The following CDH23 variants were observed in gnomAD, a reference collection of about 807,000 sequenced individuals.
CDH23 encodes the protein cadherin related 23, also known as cadherin-23.
A neutral mutation model predicts 317.1 loss-of-function variants in CDH23; 189 were observed. That is an observed-to-expected ratio of 0.60 (90% CI 0.53 to 0.67). CDH23 has a LOEUF of 0.67. CDH23 is among the 30% of genes least tolerant of loss of function. The pLI, the probability that CDH23 is intolerant of heterozygous loss-of-function variation, is 0.00. For synonymous variants in CDH23, 1,839 were observed against 1,876.8 expected, an observed-to-expected ratio of 0.98 and a Z score of 0.52; for missense variants, 4,401 against 4,592.4, an observed-to-expected ratio of 0.96 and a Z score of 1.20.
intron 3 of CDH23, among the ~76,000 whole-genome samples, chr10:71,458,981 G>T (rs979066948): frequency 3.3e-5 from 5 of 151,542 alleles, no homozygotes; most frequent in African/African-American, 1.2e-4. Flanking sequence ...TAGAGGCGGG[G>T]TTTCACCGTG....
Position 71,784,527 on chromosome 10 carries a change from C to T in CDH23, c.5502+107C>T, listed in dbSNP as rs546316830. ...TTGTGCCAAGAGAGGCCACAGGCTG[C>T]CCTGGAGCCAGGCCAGGCCTGCCCC... On this transcript the variant is annotated intron_variant, in intron 42 of 69. Transcript: ENST00000224721. 114 of 1,457,994 alleles carry T rather than the reference C, an allele frequency of 7.8e-5. No homozygotes were observed. In the African/African-American group the frequency reaches 1.5e-3, roughly 20 times the overall value. The allele number at this position is 1,457,994 out of a possible 1,614,324, so 90.3% of individuals were successfully genotyped here. A position where few individuals can be genotyped will look rare whatever the true frequency, so the allele number is the denominator to read the frequency against.
chr10:71,638,588 T>C (rs1009534564), intron 11 of CDH23, among the ~76,000 whole-genome samples: 1 of 152,164 alleles, frequency 6.6e-6, no homozygotes, highest in African/African-American at 2.4e-5. Context: ...AGGCAGGACC[T>C]AGACTGAAAT....
At chr10:71,665,341 T>C (rs919123278) in intron 14 of CDH23, among the ~76,000 whole-genome samples, 1 of 152,106 alleles carries the variant, frequency 6.6e-6, no homozygotes, top group African/African-American at 2.4e-5. Flanking sequence ...TGCCTCCCAC[T>C]ACCCCTGTGT....
At chr10:71,777,982 G>A in intron 39 of CDH23, 81 bp downstream of exon 39, 2 of 1,521,004 alleles carry the variant, frequency 1.3e-6, no homozygotes, top group South Asian at 2.3e-5. Context: ...ACTGGAGGGG[G>A]ATGGAGCAAA....
At chr10:71,399,394 T>C (rs886550196) in intron 1 of CDH23, among the ~76,000 whole-genome samples, 2 of 152,164 alleles carry the variant, frequency 1.3e-5, no homozygotes, top group Non-Finnish European at 2.9e-5. Flanking sequence ...ATTGCATAGT[T>C]CCTTGGTGCA....
At chr10:71,777,001 C>T (rs1378136830) in intron 38 of CDH23, among the ~76,000 whole-genome samples, 2 of 152,226 alleles carry the variant, frequency 1.3e-5, no homozygotes, top group Non-Finnish European at 2.9e-5. Flanking sequence ...CTGAATATTA[C>T]TTGTGGTCCA....
chr10:71,599,882 T>G (rs990071504), intron 9 of CDH23, among the ~76,000 whole-genome samples: 2 of 152,248 alleles, frequency 1.3e-5, no homozygotes, highest in Non-Finnish European at 2.9e-5. Flanking sequence ...GCTTTAAGCA[T>G]CTTTCCATTT....
At chr10:71,501,965 T>G (rs1267495861) in intron 3 of CDH23, among the ~76,000 whole-genome samples, 2 of 152,322 alleles carry the variant, frequency 1.3e-5, no homozygotes, top group African/African-American at 4.8e-5. Flanking sequence ...GGCCTTGGAA[T>G]TTGAGGCTGG....
chr10:71,723,571 C>T (rs556208183), intron 28 of CDH23, among the ~76,000 whole-genome samples: 3 of 152,242 alleles, frequency 2.0e-5, no homozygotes, highest in Admixed American at 6.5e-5. Flanking sequence ...ACGAAGTGAC[C>T]GTTACAGTGT....
Position 71,815,235 on chromosome 10 carries a change from G to A in CDH23, c.10022G>A (p.Arg3341His), listed in dbSNP as rs765298747. The change falls in exon 70 of 70, where the codon CGC becomes CAC. Residue 3341 changes from arginine (R) to histidine (H), a missense_variant. Arg to His is a conservative substitution (Grantham distance 29). This residue lies in a region of CDH23 where 1,144 missense variants were observed against 1,138.2 expected (regional missense o/e 1.01). Transcript: ENST00000224721. The stretch of plus-strand genomic sequence containing the variant: ...AAATCCACACCCCTGCACAAACTTC[G>A]CGACGTGATCATGGAGACCCCCCTG... The part of the protein sequence containing the change: ...SAKSTPLHKL[R>H]DVIMETPLEI... The A allele has an allele frequency of 1.7e-5, 27 of 1,593,836 alleles. No individual in the cohort carries two copies. The East Asian group carries it at 2.9e-4, about 17-fold the overall frequency.
intron 38 of CDH23, among the ~76,000 whole-genome samples, chr10:71,746,166 T>C (rs1182041922): frequency 2.0e-5 from 3 of 152,164 alleles, no homozygotes; most frequent in African/African-American, 7.2e-5. Context: ...GACACTGTGA[T>C]GTGGTAGAGT....
chr10:71,807,822 T>G (rs1841781638), intron 59 of CDH23, 24 bp from the exon 60 acceptor site: 1 of 1,593,096 alleles, frequency 6.3e-7, no homozygotes. Flanking sequence ...CCCTGCCACT[T>G]ACACCACCTG....
chr10:71,682,067 GAC>G (rs2132681465), intron 17 of CDH23, among the ~76,000 whole-genome samples: 1 of 151,882 alleles, frequency 6.6e-6, no homozygotes, highest in East Asian at 2.0e-4. Flanking sequence ...CAGACAGACA[GAC>G]AAGCAGACAG....
intron 1 of CDH23, among the ~76,000 whole-genome samples, chr10:71,421,216 G>T (rs376097903): frequency 6.6e-6 from 1 of 152,182 alleles, no homozygotes; most frequent in Non-Finnish European, 1.5e-5. Context: ...GGTAATGCCC[G>T]GTCAGACAGC....
intron 1 of CDH23, among the ~76,000 whole-genome samples, chr10:71,400,924 T>C (rs960668619): frequency 6.6e-6 from 1 of 152,236 alleles, no homozygotes; most frequent in African/African-American, 2.4e-5. Flanking sequence ...TAATTTCCCA[T>C]TGAACTCATT....
intron 25 of CDH23, among the ~76,000 whole-genome samples, chr10:71,705,724 AT>A (rs1369828572): frequency 6.6e-6 from 1 of 152,104 alleles, no homozygotes; most frequent in African/African-American, 2.4e-5. Flanking sequence ...TGAGTCTTTA[AT>A]TTTCAGGACA....
In CDH23 at chr10:71,709,258, T is replaced by C. The variant is rs1284523876; in HGVS notation, c.3220+47T>C. ...ACCAACACAGTGATCTGGGCAGAGT[T>C]CACACAGGGTGCCTCCCAGGAGCTG... On this transcript the variant is annotated intron_variant, in intron 27 of 69. Coordinates refer to ENST00000224721, the MANE Select transcript of CDH23 (RefSeq NM_022124.6). 10 of 1,540,552 alleles carry C rather than the reference T, an allele frequency of 6.5e-6. No individual in the cohort carries two copies. In the South Asian group the frequency reaches 9.0e-5, roughly 14 times the overall value.
chr10:71,625,645 C>T (rs909287438), intron 11 of CDH23, among the ~76,000 whole-genome samples: 1 of 152,184 alleles, frequency 6.6e-6, no homozygotes, highest in African/African-American at 2.4e-5. Context: ...CACATTTGGT[C>T]CTGTTAGGCA....
intron 18 of CDH23, among the ~76,000 whole-genome samples, chr10:71,686,731 G>A (rs1864916753): frequency 6.6e-6 from 1 of 152,182 alleles, no homozygotes; most frequent in Non-Finnish European, 1.5e-5. Flanking sequence ...TGACTCCTGA[G>A]CTCTGCACTG....
Sources: gnomAD v4.1 joint callset for allele counts (sites outside exome capture counted in the v4.1 genomes callset) on GRCh38, gnomAD v4.1.1 for gene constraint, gnomAD v4.1.1 regional missense constraint, MANE v1.5 for transcripts, NCBI Gene and HGNC (gene_info 2026-07-23, HGNC 2026-07-21) for gene names.